The following PLCG2 variants were observed in gnomAD, a reference collection of about 807,000 sequenced individuals.
PLCG2 encodes phospholipase C gamma 2.
A neutral mutation model predicts 175.6 loss-of-function variants in PLCG2; 69 were observed. The observed-to-expected ratio is 0.39, with a 90% confidence interval of 0.32 to 0.48. The LOEUF (loss-of-function observed/expected upper bound fraction) is 0.48, where lower values mean the gene tolerates loss of function less well. PLCG2 is among the 20% of genes least tolerant of loss of function. The probability of loss-of-function intolerance (pLI) is 0.91; values close to 1 mark genes in which losing one functional copy is unlikely to be tolerated. For missense variants in PLCG2, 1,798 were observed against 1,650.9 expected (o/e 1.09, Z -1.54); for synonymous variants, 827 against 624.0 (o/e 1.33, Z -4.85).
chr16:81,859,713 T>A (rs990527585), intron 5 of PLCG2, among the ~76,000 whole-genome samples: 1 of 152,108 alleles, frequency 6.6e-6, no homozygotes, highest in Non-Finnish European at 1.5e-5. Context: ...TTTTTTTGTA[T>A]TTTTAGTAGA....
intron 31 of PLCG2, among the ~76,000 whole-genome samples, chr16:81,956,436 T>G (rs1477204977): frequency 6.6e-6 from 1 of 152,184 alleles, no homozygotes; most frequent in African/African-American, 2.4e-5. Context: ...CTACAGGAAA[T>G]GCAGTCATTA....
At chr16:81,773,739 G>T (rs145558149) in intron 2 of PLCG2, among the ~76,000 whole-genome samples, 2 of 152,084 alleles carry the variant, frequency 1.3e-5, no homozygotes, top group Non-Finnish European at 2.9e-5. Context: ...ATATGCGTTC[G>T]CAGACTCACT....
At chr16:81,797,314 C>T (rs1254519743) in intron 2 of PLCG2, among the ~76,000 whole-genome samples, 3 of 152,112 alleles carry the variant, frequency 2.0e-5, no homozygotes, top group Admixed American at 1.3e-4. Flanking sequence ...TACCTGTCCC[C>T]TAGTCTGTCT....
intron 7 of PLCG2, among the ~76,000 whole-genome samples, chr16:81,880,057 T>G (rs1456664224): frequency 2.0e-5 from 3 of 152,122 alleles, no homozygotes; most frequent in Non-Finnish European, 4.4e-5. Context: ...CTGGGCAACA[T>G]AGTAAGACCT....
At chr16:81,826,777 C>G (rs1905065679) in intron 2 of PLCG2, among the ~76,000 whole-genome samples, 2 of 152,188 alleles carry the variant, frequency 1.3e-5, no homozygotes, top group Non-Finnish European at 1.5e-5. Flanking sequence ...AGAACCTTCC[C>G]AAAGCCACTT....
intron 9 of PLCG2, among the ~76,000 whole-genome samples, chr16:81,887,755 A>T (rs1481663078): frequency 6.6e-6 from 1 of 152,234 alleles, no homozygotes; most frequent in Non-Finnish European, 1.5e-5. Flanking sequence ...ATTTGAAGTG[A>T]AGAAAGCATT....
chr16:81,763,682 G>T (rs1354592026), intron 2 of PLCG2, among the ~76,000 whole-genome samples: 1 of 152,186 alleles, frequency 6.6e-6, no homozygotes, highest in East Asian at 1.9e-4. Flanking sequence ...AAGTTACAAA[G>T]GGGGCCGGGT....
At position 81,898,253 on chromosome 16, in the gene PLCG2, T is replaced by A. The variant is rs537026969; in HGVS notation, c.1193+2326T>A. On this transcript the variant is annotated intron_variant, in intron 13 of 32. Transcript: ENST00000564138. ...GGGCTAGAACTCTGTAATCAAACATTAATGCATTAATGTTTTGGCAGCAAA... is the reference window on the plus strand; with the variant it reads ...GGGCTAGAACTCTGTAATCAAACATAAATGCATTAATGTTTTGGCAGCAAA... 5.1e-4 allele frequency: 78 copies of A among 153,654 alleles called. 1 individual carries two copies. The South Asian group carries it at 0.015, about 30-fold the overall frequency. The allele number at this position is 153,654 out of a possible 1,614,324, so 9.5% of individuals were successfully genotyped here. A position where few individuals can be genotyped will look rare whatever the true frequency, so the allele number is the denominator to read the frequency against.
chr16:81,905,693 C>G (rs866954035), intron 15 of PLCG2, among the ~76,000 whole-genome samples, 186 bp downstream of exon 15: 2 of 152,288 alleles, frequency 1.3e-5, no homozygotes, highest in Middle Eastern at 3.4e-3. Context: ...GGGTCTCACT[C>G]TGTCGCCCAG....
Position 81,885,472 on chromosome 16 carries a change from C to T in PLCG2, c.765+2131C>T, listed in dbSNP as rs570387594. On this transcript the variant is annotated intron_variant, in intron 9 of 32. Transcript: ENST00000564138. ...AGGCACTGTGCCCGGCCCACTTTGC[C>T]AGTTTTATTTCATCCACTTCTAACT... Among the ~76,000 whole-genome samples the T allele has an allele frequency of 9.2e-5, 14 of 152,316 alleles. No individual in the cohort carries two copies. In the East Asian group the frequency reaches 2.7e-3, roughly 29 times the overall value.
intron 1 of PLCG2, among the ~76,000 whole-genome samples, chr16:81,781,746 A>G (rs995888587): frequency 2.6e-5 from 4 of 152,114 alleles, no homozygotes; most frequent in African/African-American, 9.7e-5. Flanking sequence ...TTTTAACACA[A>G]TTGTCTTGTG....
chr16:81,803,650 TCCC>T (rs1911857738), intron 2 of PLCG2, among the ~76,000 whole-genome samples: 8 of 42,706 alleles, frequency 1.9e-4, no homozygotes, highest in Non-Finnish European at 3.1e-4. Flanking sequence ...CCTCCCTCCC[TCCC>T]TCCCTCCCTC....
intron 15 of PLCG2, among the ~76,000 whole-genome samples, chr16:81,905,739 G>T (rs895914153): frequency 2.6e-5 from 4 of 152,140 alleles, no homozygotes; most frequent in African/African-American, 9.7e-5. Flanking sequence ...GCTCACTGCA[G>T]CCTTGACCTC....
chr16:81,878,335 C>T (rs180831354), intron 7 of PLCG2, among the ~76,000 whole-genome samples: 1 of 152,114 alleles, frequency 6.6e-6, no homozygotes, highest in Non-Finnish European at 1.5e-5. Flanking sequence ...CCACCCTAAC[C>T]CAGCAAGGCC....
At chr16:81,906,836 G>A (rs1416831529) in intron 15 of PLCG2, among the ~76,000 whole-genome samples, 3 of 152,160 alleles carry the variant, frequency 2.0e-5, no homozygotes, top group African/African-American at 4.8e-5. Flanking sequence ...TCAGGAGATC[G>A]AGACCATCCT....
intron 2 of PLCG2, among the ~76,000 whole-genome samples, chr16:81,792,686 A>T (rs1007002865): frequency 1.3e-5 from 2 of 152,022 alleles, no homozygotes; most frequent in African/African-American, 4.8e-5. Context: ...GAGCTGAGTG[A>T]AGGGGGAAGC....
chr16:81,956,201 A>G (rs1911561139), intron 31 of PLCG2, among the ~76,000 whole-genome samples: 1 of 152,192 alleles, frequency 6.6e-6, no homozygotes, highest in Non-Finnish European at 1.5e-5. Flanking sequence ...AATGTTTTCA[A>G]GGTTCATCCA....
intron 1 of PLCG2, among the ~76,000 whole-genome samples, chr16:81,780,676 G>T: frequency 6.6e-6 from 1 of 152,192 alleles, no homozygotes; most frequent in East Asian, 1.9e-4. Context: ...CCCATGAATA[G>T]CCCTTTTGCA....
At chr16:81,908,648 A>G (rs1183705234) in intron 17 of PLCG2, 57 bp downstream of exon 17, 2 of 1,476,194 alleles carry the variant, frequency 1.4e-6, no homozygotes, top group African/African-American at 2.8e-5. Flanking sequence ...CCGATGAGGC[A>G]GGGTGGCGAG....
Sources: allele counts gnomAD v4.1 joint callset (sites outside exome capture counted in the v4.1 genomes callset), GRCh38; gene constraint gnomAD v4.1.1; transcripts MANE v1.5; gene names NCBI Gene and HGNC (gene_info 2026-07-23, HGNC 2026-07-21).